Variants in WDR25 observed in about 807,000 individuals in gnomAD.
WDR25 encodes the protein WD repeat domain 25, also known as WD repeat-containing protein 25.
WDR25 carries 35 observed loss-of-function variants against 47.7 expected under a neutral mutation model. That is an observed-to-expected ratio of 0.73 (90% CI 0.56 to 0.97). The LOEUF (loss-of-function observed/expected upper bound fraction) is 0.97, where lower values mean the gene tolerates loss of function less well. Among genes scored for constraint, WDR25 ranks in the 50% least tolerant of loss-of-function variants. WDR25 has a pLI of 0.00. For missense variants in WDR25, 634 were observed against 704.7 expected, an observed-to-expected ratio of 0.90 and a Z score of 1.14; for synonymous variants, 248 against 278.9, an observed-to-expected ratio of 0.89 and a Z score of 1.10.
intron 2 of WDR25, among the ~76,000 whole-genome samples, chr14:100,441,860 G>T (rs2140247742): frequency 6.6e-6 from 1 of 152,350 alleles, no homozygotes; most frequent in East Asian, 1.9e-4. Flanking sequence ...AGCACCTACT[G>T]CATGCCAAGC....
chr14:100,382,346 T>C (rs1896924705), intron 2 of WDR25, among the ~76,000 whole-genome samples: 1 of 152,000 alleles, frequency 6.6e-6, no homozygotes, highest in South Asian at 2.1e-4. Context: ...GAAGGTTCGC[T>C]TGGGGATGGG....
chr14:100,418,917 T>G (rs1207188798), intron 2 of WDR25, among the ~76,000 whole-genome samples: 1 of 151,228 alleles, frequency 6.6e-6, no homozygotes, highest in Non-Finnish European at 1.5e-5. Context: ...AATGATGGGC[T>G]CTAAGTAAGT....
chr14:100,400,224 T>C (rs1165423919), intron 2 of WDR25, among the ~76,000 whole-genome samples: 1 of 152,254 alleles, frequency 6.6e-6, no homozygotes, highest in Non-Finnish European at 1.5e-5. Context: ...CGCAGTGACA[T>C]TCCTTGATAC....
Position 100,381,577 on chromosome 14 carries a change from C to T in WDR25, c.653C>T (p.Ser218Phe), listed in dbSNP as rs1566881042. ...PAPLYVGPGV[S>F]EFIQPYLNSH... ...CCTCTCTACGTGGGCCCGGGAGTGT[C>T]TGAGTTTATTCAGCCATATTTGAAT... Residue 218 changes from serine (S) to phenylalanine (F), a missense_variant, in exon 2 of 7, where the codon TCT (serine) becomes TTT (phenylalanine). By Grantham distance (155) the Ser-to-Phe change is radical (BLOSUM62 -2). Coordinates refer to ENST00000402312, the MANE Select transcript of WDR25 (RefSeq NM_001161476.3). 1.2e-6 allele frequency: 2 copies of T among 1,610,010 alleles called. No homozygotes were observed. Among genetic ancestry groups the T allele is most frequent in the South Asian group, 1.1e-5 (1 of 90,840 alleles).
intron 2 of WDR25, among the ~76,000 whole-genome samples, chr14:100,433,591 C>G (rs1898405794): frequency 1.3e-5 from 2 of 152,210 alleles, no homozygotes; most frequent in Admixed American, 1.3e-4. Flanking sequence ...ATGATTCTTA[C>G]CTGAGTCAGT....
chr14:100,432,139 A>G (rs892294665), intron 2 of WDR25, among the ~76,000 whole-genome samples: 2 of 152,200 alleles, frequency 1.3e-5, no homozygotes, highest in African/African-American at 4.8e-5. Context: ...AATTATGACA[A>G]TGGTTGAAAT....
chr14:100,484,056 G>A lies in WDR25; in HGVS notation c.1033G>A (p.Asp345Asn). 1 of 1,613,842 alleles carries A rather than the reference G, an allele frequency of 6.2e-7. No homozygotes were observed. Among genetic ancestry groups the A allele is most frequent in the Non-Finnish European group, 8.5e-7 (1 of 1,179,934 alleles). Residue 345 changes from aspartate to asparagine, a missense_variant, in exon 4 of 7, where the codon GAC becomes AAC. Coordinates refer to ENST00000402312, the MANE Select transcript of WDR25 (RefSeq NM_001161476.3). Reference protein sequence around the residue: ...RITTLKFHPKDHNIFLCGGFS... With the variant: ...RITTLKFHPKNHNIFLCGGFS... ...CACTACCTTGAAATTCCATCCAAAA[G>A]ACCACAACATCTTTTTATGTGGAGG...
At chr14:100,501,362 C>T (rs78766643) in intron 4 of WDR25, among the ~76,000 whole-genome samples, 10,632 of 152,172 alleles carry the variant, frequency 0.07, 1,214 homozygotes, top group African/African-American at 0.24. Context: ...GTGCCCTCCA[C>T]GAGCTCATGA....
At chr14:100,526,171 T>A in intron 5 of WDR25, 131 bp downstream of exon 5, 1 of 1,156,150 alleles carries the variant, frequency 8.6e-7, no homozygotes, top group Non-Finnish European at 1.2e-6. Context: ...AGGATGAGGG[T>A]AGTCAGGTCT....
chr14:100,454,377 A>G, intron 2 of WDR25: 1 of 1,287,064 alleles, frequency 7.8e-7, no homozygotes, highest in Non-Finnish European at 1.0e-6. Context: ...GTGAGGGTGG[A>G]GGTGAGGAGG....
chr14:100,469,814 CA>C (rs1899767875), intron 3 of WDR25, among the ~76,000 whole-genome samples: 1 of 152,196 alleles, frequency 6.6e-6, no homozygotes, highest in Non-Finnish European at 1.5e-5. Context: ...ACACACTGGC[CA>C]GGGGCACAAA....
At position 100,529,319 on chromosome 14, in the gene WDR25, C is replaced by G; in HGVS notation, c.1413+111C>G. 4 of 1,498,024 alleles carry G rather than the reference C, an allele frequency of 2.7e-6. No homozygotes were observed. Among genetic ancestry groups the G allele is most frequent in the Non-Finnish European group, 3.6e-6 (4 of 1,106,758 alleles). 92.8% of individuals were successfully genotyped at this position (1,498,024 alleles called of 1,614,324 possible). A position where few individuals can be genotyped will look rare whatever the true frequency, so the allele number is the denominator to read the frequency against. ...GGAGCCTCTGTCTGGGTGGATCCTG[C>G]TTTCTGTTTCCTGGGTGAGCGCATG... is the stretch of plus-strand genomic sequence containing the variant. On this transcript the variant is annotated intron_variant, in intron 6 of 6. Coordinates refer to ENST00000402312, the MANE Select transcript of WDR25 (RefSeq NM_001161476.3). This position sits in a 1 kb window ranked among gnomAD's most constrained non-coding sequence, Gnocchi z 5.1.
At chr14:100,464,739 T>TCATCTCCCCTACTC (rs1899553342) in intron 2 of WDR25, among the ~76,000 whole-genome samples, 1 of 310 alleles carries the variant, frequency 3.2e-3, no homozygotes, top group Non-Finnish European at 7.6e-3. Flanking sequence ...CTACTCCATC[T>TCATCTCCCCTACTC]CATCTCATCT....
Position 100,502,963 on chromosome 14 carries a change from G to T in WDR25, c.1101+18839G>T, listed in dbSNP as rs1900981078. On this transcript the variant is annotated intron_variant, in intron 4 of 6. Transcript: ENST00000402312. The surrounding 1 kb of genome is among the most constrained non-coding windows in gnomAD (Gnocchi z 4.5). The stretch of plus-strand genomic sequence containing the variant: ...GCAGTGTGTGTCTGTGAGTGTGTGT[G>T]TCTGTATGTGTGTCGGTGCATGTGT... Among the ~76,000 whole-genome samples, 1 of 151,942 alleles carries T rather than the reference G, an allele frequency of 6.6e-6. No homozygotes were observed. The highest frequency in any genetic ancestry group is 1.5e-5 in the Non-Finnish European group (1 of 68,000).
rs1901116609 is a variant in WDR25 at position 100,506,516 on chromosome 14, T to C, written c.1102-19354T>C. 6.6e-6 allele frequency among the ~76,000 whole-genome samples: 1 copy of C among 152,228 alleles called. No homozygotes were observed. Among genetic ancestry groups the C allele is most frequent in the Admixed American group, 6.5e-5 (1 of 15,276 alleles). On this transcript the variant is annotated intron_variant, in intron 4 of 6. Transcript: ENST00000402312. This position sits in a 1 kb window ranked among gnomAD's most constrained non-coding sequence, Gnocchi z 4.8. ...TGCTTTCCACAATGGCTGAAATAAC[T>C]TACATTCCCACCAACAGAGTATAAG...
At chr14:100,417,101 A>G (rs76193034) in intron 2 of WDR25, among the ~76,000 whole-genome samples, 4,701 of 152,282 alleles carry the variant, frequency 0.031, 99 homozygotes, top group Middle Eastern at 0.061. Flanking sequence ...ACCACAGGCC[A>G]GGGGCCAAGC....
intron 3 of WDR25, among the ~76,000 whole-genome samples, chr14:100,482,636 G>C (rs777060428): frequency 6.6e-6 from 1 of 152,046 alleles, no homozygotes; most frequent in Non-Finnish European, 1.5e-5. Flanking sequence ...TCATGTGACT[G>C]TCATGAGTAC....
At chr14:100,376,871 T>C in intron 1 of WDR25, 1 of 675,858 alleles carries the variant, frequency 1.5e-6, no homozygotes, top group African/African-American at 1.9e-5. Context: ...TCCTAGCATC[T>C]CCCCCTCCCA....
At chr14:100,376,532 GC>G in intron 1 of WDR25, 37 bp downstream of exon 1, 1 of 1,231,998 alleles carries the variant, frequency 8.1e-7, no homozygotes. Flanking sequence ...GGCTGGAGGG[GC>G]CGGGACTGGG....
Sources: allele counts gnomAD v4.1 joint callset (sites outside exome capture counted in the v4.1 genomes callset), GRCh38; gene constraint gnomAD v4.1.1; non-coding constraint Gnocchi (gnomAD v3.1); transcripts MANE v1.5; gene names NCBI Gene and HGNC (gene_info 2026-07-23, HGNC 2026-07-21).